The following TMEM156 variants were observed in gnomAD, a reference collection of about 807,000 sequenced individuals.
The protein encoded by TMEM156 is transmembrane protein 156.
Under a neutral mutation model 30.5 loss-of-function variants are expected in TMEM156, and 28 were observed. That is an observed-to-expected ratio of 0.92 (90% CI 0.68 to 1.26). The LOEUF (loss-of-function observed/expected upper bound fraction) is 1.26, where lower values mean the gene tolerates loss of function less well. TMEM156 is among the 50% of genes most tolerant of loss of function. The pLI, the probability that TMEM156 is intolerant of heterozygous loss-of-function variation, is 0.00. For synonymous variants in TMEM156, 137 were observed against 119.9 expected, an observed-to-expected ratio of 1.14 and a Z score of -0.93; for missense variants, 351 against 340.6, an observed-to-expected ratio of 1.03 and a Z score of -0.24.
chr4:39,029,575 G>T lies in TMEM156; in HGVS notation c.88+2651C>A, dbSNP rs1322955959. Among the ~76,000 whole-genome samples, 7 of 24,136 alleles carry T rather than the reference G, an allele frequency of 2.9e-4. 3 individuals carry two copies. Among genetic ancestry groups the T allele is most frequent in the Admixed American group, 9.2e-4 (2 of 2,172 alleles). 15.8% of individuals were successfully genotyped at this position (24,136 alleles called of 152,430 possible). The stretch of plus-strand genomic sequence containing the variant: ...TAAAAATACAAAAAATTAGCCGGGC[G>T]TGGTAGCGGGCGCCTGTAGTCCCAG... On this transcript the variant is annotated intron_variant, in intron 1 of 6. Transcript: ENST00000381938.
At chr4:39,031,351 G>C (rs144622242) in intron 1 of TMEM156, among the ~76,000 whole-genome samples, 1 of 152,012 alleles carries the variant, frequency 6.6e-6, no homozygotes, top group Non-Finnish European at 1.5e-5. Context: ...TTTCTGAAAC[G>C]TTCACAAAGT....
At chr4:39,022,919 A>T (rs1450728510) in intron 1 of TMEM156, among the ~76,000 whole-genome samples, 2 of 152,214 alleles carry the variant, frequency 1.3e-5, no homozygotes, top group African/African-American at 4.8e-5. Context: ...TGCTACTAGA[A>T]ATATTGCTAG....
At chr4:38,991,660 G>A (rs1386726991) in intron 3 of TMEM156, among the ~76,000 whole-genome samples, 1 of 142,960 alleles carries the variant, frequency 7.0e-6, no homozygotes, top group Admixed American at 7.2e-5. Context: ...AGAATTTATG[G>A]ATTTTTTTCC....
intron 4 of TMEM156, among the ~76,000 whole-genome samples, chr4:38,988,526 T>C (rs62294539): frequency 0.56 from 85,389 of 151,990 alleles, 24,244 homozygotes; most frequent in East Asian, 0.66. Context: ...GTCACCGCGC[T>C]CGGCCTGAAA....
chr4:38,970,658 G>C lies in TMEM156; in HGVS notation c.*38+374C>G, dbSNP rs534221081. Reference sequence around the variant, plus strand: ...TTTAGATTATCAGATGTTACATTTAGAGAAGTTTTTATTTCAATAATTGTG... The same window carrying C: ...TTTAGATTATCAGATGTTACATTTACAGAAGTTTTTATTTCAATAATTGTG... On this transcript the variant is annotated intron_variant, in intron 6 of 6. Transcript: ENST00000381938. Among the ~76,000 whole-genome samples the C allele has an allele frequency of 2.6e-5, 4 of 152,278 alleles. No individual in the cohort carries two copies. The South Asian group carries it at 8.3e-4, about 32-fold the overall frequency.
At chr4:38,972,943 G>A (rs1405458177) in intron 5 of TMEM156, among the ~76,000 whole-genome samples, 1 of 152,098 alleles carries the variant, frequency 6.6e-6, no homozygotes, top group Non-Finnish European at 1.5e-5. Context: ...TCAATTTGAT[G>A]AGTCTCTTCT....
intron 3 of TMEM156, among the ~76,000 whole-genome samples, chr4:38,991,306 C>T (rs1712446407): frequency 6.6e-6 from 1 of 151,162 alleles, no homozygotes. Context: ...TCACTGCAGC[C>T]TTGTCTTCCC....
intron 6 of TMEM156, among the ~76,000 whole-genome samples, chr4:38,968,616 T>G (rs1722454334): frequency 6.6e-6 from 1 of 152,120 alleles, no homozygotes; most frequent in African/African-American, 2.4e-5. Flanking sequence ...GAATGAGAGG[T>G]CTCGAGCATA....
At chr4:39,014,311 A>G (rs565144016) in intron 1 of TMEM156, among the ~76,000 whole-genome samples, 1 of 152,352 alleles carries the variant, frequency 6.6e-6, no homozygotes, top group South Asian at 2.1e-4. Context: ...TGACTAACAG[A>G]TATATAGGCA....
chr4:38,975,091 G>A (rs1209977515), intron 5 of TMEM156, among the ~76,000 whole-genome samples: 1 of 152,068 alleles, frequency 6.6e-6, no homozygotes. Flanking sequence ...CACCACTAAA[G>A]TTAGAATTTC....
In TMEM156 at chr4:38,971,104, A is replaced by G; in HGVS notation, c.857T>C (p.Val286Ala). 1 of 1,614,032 alleles carries G rather than the reference A, an allele frequency of 6.2e-7. No individual in the cohort carries two copies. The highest frequency in any genetic ancestry group is 1.3e-5 in the African/African-American group (1 of 75,042). ...ETTQRLPLDQ[V>A]QEVLPPIPEL ...TGGAATTGGGGGAAGCACTTCCTGG[A>G]CTTGATCCAAAGGCAGCCTCTGCGT... The change falls in exon 6 of 7, where the codon GTC becomes GCC. Residue 286 changes from valine to alanine, a missense_variant. Val to Ala is a moderately conservative substitution (Grantham distance 64). Coordinates refer to ENST00000381938, the MANE Select transcript of TMEM156 (RefSeq NM_024943.3).
chr4:38,998,401 G>A (rs542691881), intron 2 of TMEM156: 33 of 202,444 alleles, frequency 1.6e-4, no homozygotes, highest in African/African-American at 5.9e-4. Context: ...AAAATTAGCC[G>A]GGTGTGGTGG....
chr4:39,015,791 G>A (rs1004759322), intron 1 of TMEM156, among the ~76,000 whole-genome samples: 3 of 151,996 alleles, frequency 2.0e-5, no homozygotes, highest in Non-Finnish European at 4.4e-5. Flanking sequence ...TGAATCACGG[G>A]GGCTGTTTCT....
chr4:38,993,824 T>C lies in TMEM156; in HGVS notation c.533A>G (p.Glu178Gly), dbSNP rs112975029. ...TCTACAAGTGTAGTTTATCGATTTC[T>C]CCTTGCTTGGCTCATCCTCCATGAT... ...STIMEDEPSKEKSINYTCRIM... is the reference protein window; with the variant it reads ...STIMEDEPSKGKSINYTCRIM... Residue 178 changes from glutamate (E) to glycine (G), a missense_variant, in exon 3 of 7, where the codon GAG becomes GGG. Coordinates refer to ENST00000381938, the MANE Select transcript of TMEM156 (RefSeq NM_024943.3). The C allele has an allele frequency of 6.2e-7, 1 of 1,614,130 alleles. No individual in the cohort carries two copies. Among genetic ancestry groups the C allele is most frequent in the South Asian group, 1.1e-5 (1 of 91,086 alleles).
intron 2 of TMEM156, among the ~76,000 whole-genome samples, chr4:38,995,608 C>A (rs558836607): frequency 6.6e-6 from 1 of 152,126 alleles, no homozygotes; most frequent in Non-Finnish European, 1.5e-5. Flanking sequence ...CCAGCTACTC[C>A]GGAGGCTGAA....
chr4:38,995,381 T>C (rs1712852610), intron 2 of TMEM156, among the ~76,000 whole-genome samples: 1 of 152,190 alleles, frequency 6.6e-6, no homozygotes, highest in Admixed American at 6.5e-5. Flanking sequence ...GGAATCTAAT[T>C]CCTTTCCCCT....
intron 2 of TMEM156, 144 bp from the exon 3 acceptor site, chr4:38,994,142 TG>T: frequency 2.6e-6 from 2 of 758,126 alleles, no homozygotes; most frequent in Non-Finnish European, 4.1e-6. Flanking sequence ...TACATATTTT[TG>T]AGACAGGGTC....
At chr4:38,988,527 C>G (rs898262400) in intron 4 of TMEM156, among the ~76,000 whole-genome samples, 1 of 152,152 alleles carries the variant, frequency 6.6e-6, no homozygotes. Context: ...TCACCGCGCT[C>G]GGCCTGAAAT....
intron 5 of TMEM156, among the ~76,000 whole-genome samples, chr4:38,981,224 C>T (rs770209885): frequency 5.9e-5 from 9 of 152,156 alleles, no homozygotes; most frequent in African/African-American, 1.9e-4. Flanking sequence ...TTTATTATAG[C>T]GGCCATAAAC....
Sources: allele counts gnomAD v4.1 joint callset (sites outside exome capture counted in the v4.1 genomes callset), GRCh38; gene constraint gnomAD v4.1.1; transcripts MANE v1.5; gene names NCBI Gene and HGNC (gene_info 2026-07-23, HGNC 2026-07-21).